The following DEPDC5 variants were observed in gnomAD, a reference collection of about 807,000 sequenced individuals.
DEPDC5 encodes DEP domain containing 5, GATOR1 subcomplex subunit.
A neutral mutation model predicts 217.3 loss-of-function variants in DEPDC5; 73 were observed. The observed-to-expected ratio is 0.34, with a 90% confidence interval of 0.28 to 0.41. The LOEUF (loss-of-function observed/expected upper bound fraction) is 0.41, where lower values mean the gene tolerates loss of function less well. DEPDC5 is among the 10% of genes least tolerant of loss of function. DEPDC5 has a pLI of 1.00. For synonymous variants in DEPDC5, 733 were observed against 756.7 expected, an observed-to-expected ratio of 0.97 and a Z score of 0.51; for missense variants, 1,675 against 2,070.1, an observed-to-expected ratio of 0.81 and a Z score of 3.70.
chr22:31,906,729 C>A lies in DEPDC5; in HGVS notation c.*232C>A, dbSNP rs774593420. On this transcript the variant is annotated 3_prime_UTR_variant, in exon 43 of 43. Coordinates refer to ENST00000651528, the MANE Select transcript of DEPDC5 (RefSeq NM_001242896.3). This position sits in a 1 kb window ranked among gnomAD's most constrained non-coding sequence, Gnocchi z 5.1. ...GCAGCTGCTGCTGCTGCCACCACTC[C>A]TGTCAGCAAGTGCTCAGAGCAGGTG... is the stretch of plus-strand genomic sequence containing the variant. 7 of 607,518 alleles carry A rather than the reference C, an allele frequency of 1.2e-5. No homozygotes were observed. The highest frequency in any genetic ancestry group is 1.7e-5 in the Non-Finnish European group (6 of 348,806). 37.6% of individuals were successfully genotyped at this position (607,518 alleles called of 1,614,324 possible). A position where few individuals can be genotyped will look rare whatever the true frequency, so the allele number is the denominator to read the frequency against.
chr22:31,846,463 AG>A (rs750612180), intron 30 of DEPDC5, among the ~76,000 whole-genome samples: 1 of 152,190 alleles, frequency 6.6e-6, no homozygotes. Flanking sequence ...GATAGTGGGA[AG>A]AACTTTGGTT....
At chr22:31,758,739 T>C (rs2082138277) in intron 3 of DEPDC5, 106 bp downstream of exon 3, 2 of 1,113,340 alleles carry the variant, frequency 1.8e-6, no homozygotes, top group East Asian at 4.8e-5. Context: ...CTGTGATGGC[T>C]CAATCCTGTA....
chr22:31,765,735 CAT>C (rs951127017), intron 5 of DEPDC5, among the ~76,000 whole-genome samples: 1 of 151,990 alleles, frequency 6.6e-6, no homozygotes, highest in African/African-American at 2.4e-5. Flanking sequence ...TAAAACTAAA[CAT>C]GTAGACCATG....
rs1220939909 is a variant in DEPDC5, at chr22:31,788,940, G to A, written c.625-3093G>A. On this transcript the variant is annotated intron_variant, in intron 10 of 42. Transcript: ENST00000651528. The stretch of plus-strand genomic sequence containing the variant: ...CAGTCTCGCTCTGTCGCCCAGACTG[G>A]AGTGCAGTGCTGCGATCTCGAACAT... 6.6e-4 allele frequency among the ~76,000 whole-genome samples: 100 copies of A among 152,202 alleles called. 1 individual carries two copies. The highest frequency in any genetic ancestry group is 1.0e-4 in the Non-Finnish European group (7 of 68,022).
intron 10 of DEPDC5, among the ~76,000 whole-genome samples, chr22:31,791,015 G>A (rs1321250824): frequency 1.3e-5 from 2 of 151,956 alleles, no homozygotes; most frequent in Non-Finnish European, 2.9e-5. Flanking sequence ...CCAAAGCACC[G>A]GGATTGCAGG....
At chr22:31,804,553 C>T (rs2087271829) in intron 16 of DEPDC5, among the ~76,000 whole-genome samples, 1 of 152,198 alleles carries the variant, frequency 6.6e-6, no homozygotes, top group African/African-American at 2.4e-5. Context: ...AGTTCTCCTG[C>T]CTCAGCCTCC....
rs751575303 is a variant in DEPDC5 at position 31,806,166 on chromosome 22, C to T, written c.1262C>T (p.Pro421Leu). ...KSQLFCNSFT[P>L]RIKLAGKKPA... ...CAGCTCTTTTGTAATAGTTTCACCC[C>T]ACGAATAAAACTGGCAGGAAAGAAG... The change falls in exon 18 of 43, where the codon CCA (proline) becomes CTA (leucine). Residue 421 changes from proline (P) to leucine (L), a missense_variant. Pro to Leu is a moderately conservative substitution (Grantham distance 98, BLOSUM62 -3). Around this residue, in one of 11 missense-constraint regions of DEPDC5, gnomAD observed 628 missense variants for 762.1 expected, o/e 0.82. Coordinates refer to ENST00000651528, the MANE Select transcript of DEPDC5 (RefSeq NM_001242896.3). 1 of 1,613,958 alleles carries T rather than the reference C, an allele frequency of 6.2e-7. No homozygotes were observed. The highest frequency in any genetic ancestry group is 8.5e-7 in the Non-Finnish European group (1 of 1,179,924).
Position 31,881,204 on chromosome 22 carries a change from AG to A in DEPDC5, c.4033+1454del, listed in dbSNP as rs534030593. On this transcript the variant is annotated intron_variant, in intron 38 of 42. Coordinates refer to ENST00000651528, the MANE Select transcript of DEPDC5 (RefSeq NM_001242896.3). The stretch of plus-strand genomic sequence containing the variant: ...GTAATCCCAGCTACTCCGGAGGCCG[AG>A]GCAGGAGAATTGCTTGAACCTGGGA... Among the ~76,000 whole-genome samples the A allele has an allele frequency of 1.2e-4, 18 of 151,320 alleles. 1 individual carries two copies. Among genetic ancestry groups the A allele is most frequent in the African/African-American group, 4.4e-4 (18 of 41,174 alleles).
intron 12 of DEPDC5, among the ~76,000 whole-genome samples, chr22:31,793,680 G>A (rs1245240273): frequency 3.3e-5 from 5 of 151,884 alleles, no homozygotes; most frequent in Non-Finnish European, 5.9e-5. Flanking sequence ...AGGGATTCTC[G>A]TTTCTCAGCC....
chr22:31,783,824 G>A, intron 8 of DEPDC5, 83 bp from the exon 9 acceptor site: 1 of 1,163,586 alleles, frequency 8.6e-7, no homozygotes, highest in East Asian at 2.4e-5. Flanking sequence ...CTGTTGTGAA[G>A]CAGATCTTCA....
chr22:31,826,897 GTTTTTT>G, intron 24 of DEPDC5, among the ~76,000 whole-genome samples: 1 of 140,320 alleles, frequency 7.1e-6, no homozygotes, highest in Non-Finnish European at 1.6e-5. Flanking sequence ...ATTATACATA[GTTTTTT>G]TTTTTTTTTT....
chr22:31,759,792 T>G (rs1035722673), intron 3 of DEPDC5, among the ~76,000 whole-genome samples: 3 of 150,336 alleles, frequency 2.0e-5, no homozygotes, highest in Non-Finnish European at 4.4e-5. Context: ...AAGTGACTCT[T>G]CTGCCTCAGC....
chr22:31,837,517 C>T (rs2091101837), intron 26 of DEPDC5, among the ~76,000 whole-genome samples: 1 of 151,656 alleles, frequency 6.6e-6, no homozygotes, highest in South Asian at 2.1e-4. Flanking sequence ...CCACATCTAG[C>T]TAATTTTTGT....
intron 41 of DEPDC5, among the ~76,000 whole-genome samples, chr22:31,905,148 A>G (rs2093733456): frequency 6.6e-6 from 1 of 152,108 alleles, no homozygotes; most frequent in Admixed American, 6.5e-5. Context: ...CCATTTCCAG[A>G]GCACAGGGAA....
intron 12 of DEPDC5, among the ~76,000 whole-genome samples, chr22:31,794,604 G>T (rs968582714): frequency 1.3e-5 from 2 of 152,032 alleles, no homozygotes; most frequent in African/African-American, 2.4e-5. Context: ...CACAAAATAG[G>T]CCAGGCGTGG....
At chr22:31,763,901 TTTATGTTATG>T (rs758883996) in intron 4 of DEPDC5, among the ~76,000 whole-genome samples, 23 of 152,094 alleles carry the variant, frequency 1.5e-4, no homozygotes, top group African/African-American at 5.3e-4. Flanking sequence ...TGTTATGTTT[TTTATGTTATG>T]TTATGTTATG....
In DEPDC5 at chr22:31,907,953, G is replaced by GA. The variant is rs1461496698; in HGVS notation, c.*1456_*1457insA. On this transcript the variant is annotated 3_prime_UTR_variant, in exon 43 of 43. Coordinates refer to ENST00000651528, the MANE Select transcript of DEPDC5 (RefSeq NM_001242896.3). ...CCTTTGTCTTTCTCTTAGATCCCCA[G>GA]GAAAACCTTCTAATTTGTCTCTGCT... The GA allele has an allele frequency of 6.6e-6, 1 of 152,200 alleles. No homozygotes were observed. The highest frequency in any genetic ancestry group is 1.5e-5 in the Non-Finnish European group (1 of 68,050). 9.4% of individuals were successfully genotyped at this position (152,200 alleles called of 1,614,324 possible).
intron 32 of DEPDC5, 85 bp downstream of exon 32, chr22:31,857,638 G>A (rs1413547193): frequency 1.8e-5 from 20 of 1,123,918 alleles, no homozygotes; most frequent in Middle Eastern, 2.7e-4. Flanking sequence ...CTTCAGATCC[G>A]GGATTGCATG....
chr22:31,867,986 T>G (rs1435829356), intron 33 of DEPDC5, among the ~76,000 whole-genome samples: 1 of 152,202 alleles, frequency 6.6e-6, no homozygotes, highest in Non-Finnish European at 1.5e-5. Context: ...TTATTCTCAT[T>G]TAAATTTACG....
Sources: allele counts gnomAD v4.1 joint callset (sites outside exome capture counted in the v4.1 genomes callset), GRCh38; gene constraint gnomAD v4.1.1; regional missense constraint gnomAD v4.1.1; non-coding constraint Gnocchi (gnomAD v3.1); transcripts MANE v1.5; gene names NCBI Gene and HGNC (gene_info 2026-07-23, HGNC 2026-07-21).